The following NDOR1 variants were observed in gnomAD, a reference collection of about 807,000 sequenced individuals.
NDOR1 encodes NADPH-dependent diflavin oxidoreductase 1.
NDOR1 carries 61 observed loss-of-function variants against 67.2 expected under a neutral mutation model. The ratio of observed to expected loss-of-function variants is 0.91; its 90% confidence interval spans 0.74 to 1.12. NDOR1 has a LOEUF of 1.12. Among genes scored for constraint, NDOR1 ranks in the 50% most tolerant of loss-of-function variants. The pLI is 0.00. For synonymous variants in NDOR1, 378 were observed against 343.7 expected (o/e 1.10, Z -1.10); for missense variants, 878 against 802.8 (o/e 1.09, Z -1.13).
chr9:137,205,953 C>A, intron 1 of NDOR1, 41 bp downstream of exon 1: 1 of 1,528,090 alleles, frequency 6.5e-7, no homozygotes, highest in South Asian at 1.2e-5. Flanking sequence ...GACGAGCAGG[C>A]CTGGCGTGCC....
rs1396996708 is a variant in NDOR1, at chr9:137,218,182, C to A, written c.*1766C>A. 2.5e-6 allele frequency: 1 copy of A among 398,454 alleles called. No individual in the cohort carries two copies. The highest frequency in any genetic ancestry group is 4.4e-6 in the Non-Finnish European group (1 of 226,054). 24.7% of individuals were successfully genotyped at this position (398,454 alleles called of 1,614,324 possible). ...GCCTGCACAGGCTGCTGGGCTCGGCCTCCAGTGCCGACCTGGGCCGGGTGC... is the reference window on the plus strand; with the variant it reads ...GCCTGCACAGGCTGCTGGGCTCGGCATCCAGTGCCGACCTGGGCCGGGTGC... On this transcript the variant is annotated 3_prime_UTR_variant, in exon 14 of 14. Coordinates refer to ENST00000684003, the MANE Select transcript of NDOR1 (RefSeq NM_014434.4).
In NDOR1 at chr9:137,216,349, C is replaced by G; in HGVS notation, c.1727C>G (p.Pro576Arg). The G allele has an allele frequency of 1.6e-5, 25 of 1,609,792 alleles. No homozygotes were observed. Among genetic ancestry groups the G allele is most frequent in the Non-Finnish European group, 2.1e-5 (25 of 1,179,948 alleles). Residue 576 changes from proline to arginine, a missense_variant, in exon 14 of 14, where the codon CCG becomes CGG. Coordinates refer to ENST00000684003, the MANE Select transcript of NDOR1 (RefSeq NM_014434.4). ...IFQEEGGLCSPDAAAYLARLQ... is the reference protein window; with the variant it reads ...IFQEEGGLCSRDAAAYLARLQ... Reference sequence around the variant, plus strand: ...CAGGAGGAGGGTGGACTCTGCAGCCCGGACGCAGCCGCGTATCTAGCCAGG... The same window carrying G: ...CAGGAGGAGGGTGGACTCTGCAGCCGGGACGCAGCCGCGTATCTAGCCAGG...
rs1248617898 is a variant in NDOR1 at position 137,217,763 on chromosome 9, C to T, written c.*1347C>T. 2.6e-6 allele frequency: 1 copy of T among 390,304 alleles called. No homozygotes were observed. 24.2% of individuals were successfully genotyped at this position (390,304 alleles called of 1,614,324 possible). ...CGCCCCTGTCGCCGCCCTGGGGTCC[C>T]TGTCCTCCTATCCTGACTCCTGCCC... On this transcript the variant is annotated 3_prime_UTR_variant, in exon 14 of 14. Transcript: ENST00000684003.
Sources: gnomAD v4.1 joint callset for allele counts on GRCh38, gnomAD v4.1.1 for gene constraint, MANE v1.5 for transcripts, NCBI Gene and HGNC (gene_info 2026-07-23, HGNC 2026-07-21) for gene names.